The following TRIQK variants were observed in gnomAD, a reference collection of about 807,000 sequenced individuals.
TRIQK encodes the protein triple QxxK/R motif-containing protein.
Under a neutral mutation model 10.8 loss-of-function variants are expected in TRIQK, and 10 were observed. The observed-to-expected ratio is 0.92, with a 90% CI of 0.57 to 1.57. The LOEUF (loss-of-function observed/expected upper bound fraction) is 1.57. Among genes scored for constraint, TRIQK ranks in the 40% most tolerant of loss-of-function variants. TRIQK has a pLI of 0.00. For missense variants in TRIQK, 107 were observed against 97.7 expected (o/e 1.09, Z -0.40); for synonymous variants, 33 against 33.7 (o/e 0.98, Z 0.07).
intron 1 of TRIQK, among the ~76,000 whole-genome samples, chr8:92,991,155 A>C (rs1037310210): frequency 1.3e-5 from 2 of 152,126 alleles, no homozygotes; most frequent in Non-Finnish European, 2.9e-5. Context: ...AACTGGGCGG[A>C]GCCCACCGCA....
At chr8:92,905,916 A>T (rs1809231165) in intron 3 of TRIQK, among the ~76,000 whole-genome samples, 3 of 152,074 alleles carry the variant, frequency 2.0e-5, no homozygotes, top group Admixed American at 2.0e-4. Flanking sequence ...TTGTCATGAG[A>T]CTCAGGGATC....
intron 2 of TRIQK, among the ~76,000 whole-genome samples, chr8:92,917,841 C>T (rs1056061377): frequency 2.0e-5 from 3 of 151,874 alleles, no homozygotes; most frequent in Non-Finnish European, 4.4e-5. Context: ...TCTACTCTAA[C>T]TGTATTTTTG....
chr8:92,901,164 T>G (rs1031072702), intron 3 of TRIQK, among the ~76,000 whole-genome samples: 3 of 152,174 alleles, frequency 2.0e-5, no homozygotes, highest in African/African-American at 7.2e-5. Flanking sequence ...CTTTTGTTTT[T>G]TCCAAATATA....
At chr8:92,965,576 T>A (rs746591275) in intron 1 of TRIQK, 1 of 152,150 alleles carries the variant, frequency 6.6e-6, no homozygotes, top group Admixed American at 6.5e-5. Context: ...CGACCGCGAG[T>A]AATCGGTCAG....
At chr8:92,949,782 AAAAGAAAG>A (rs80051316) in intron 2 of TRIQK, among the ~76,000 whole-genome samples, 12,047 of 71,626 alleles carry the variant, frequency 0.17, 1,295 homozygotes, top group East Asian at 0.21. Context: ...GAAAGAAAGA[AAAAGAAAG>A]AAAGAAAGAA....
chr8:92,992,408 C>T (rs1813104823), intron 1 of TRIQK, among the ~76,000 whole-genome samples: 1 of 152,148 alleles, frequency 6.6e-6, no homozygotes, highest in South Asian at 2.1e-4. Context: ...CAGTCTACCA[C>T]TGGACAGTGC....
At chr8:92,903,268 A>T (rs1326206287) in intron 3 of TRIQK, among the ~76,000 whole-genome samples, 1 of 152,004 alleles carries the variant, frequency 6.6e-6, no homozygotes, top group Admixed American at 6.6e-5. Flanking sequence ...ATATCATTTG[A>T]CTTTGCTGTG....
In TRIQK at chr8:92,927,427, A is replaced by G. The variant is rs1404630408; in HGVS notation, c.-21-10417T>C. On this transcript the variant is annotated intron_variant, in intron 2 of 4. Coordinates refer to ENST00000521988, the MANE Select transcript of TRIQK (RefSeq NM_001171797.2). ...AGTTAAATAACCAAATTTGAAAGTAAAAAAAAAACAAATAACAAAATTTGG... is the reference window on the plus strand; with the variant it reads ...AGTTAAATAACCAAATTTGAAAGTAGAAAAAAAACAAATAACAAAATTTGG... 4.4e-4 allele frequency among the ~76,000 whole-genome samples: 6 copies of G among 13,570 alleles called. No individual in the cohort carries two copies. In the East Asian group the frequency reaches 7.6e-3, roughly 17 times the overall value. The allele number at this position is 13,570 out of a possible 152,430, so 8.9% of individuals were successfully genotyped here.
intron 2 of TRIQK, among the ~76,000 whole-genome samples, chr8:92,918,717 G>T (rs1259515068): frequency 6.6e-5 from 10 of 151,692 alleles, no homozygotes; most frequent in Non-Finnish European, 1.2e-4. Flanking sequence ...AAGCTCTCTA[G>T]CTTGATGTAA....
In TRIQK at chr8:92,965,678, T is replaced by G. The variant is rs1383137488; in HGVS notation, c.-181+329A>C. The G allele has an allele frequency of 2.6e-5, 4 of 152,534 alleles. No individual in the cohort carries two copies. In the South Asian group the frequency reaches 6.2e-4, roughly 24 times the overall value. The allele number at this position is 152,534 out of a possible 1,614,324, so 9.4% of individuals were successfully genotyped here. ...GCCCAGCGGCTGGCGCCAGACACGCTGGCAGGGCGGGAACCGCGCGTTCCT... is the reference window on the plus strand; with the variant it reads ...GCCCAGCGGCTGGCGCCAGACACGCGGGCAGGGCGGGAACCGCGCGTTCCT... On this transcript the variant is annotated intron_variant, in intron 1 of 4. Transcript: ENST00000521988.
chr8:92,894,787 C>G (rs73313294), intron 3 of TRIQK, among the ~76,000 whole-genome samples: 7,475 of 152,020 alleles, frequency 0.049, 449 homozygotes, highest in African/African-American at 0.14. Flanking sequence ...CAAACTAGAT[C>G]GTCCCTGAGG....
chr8:93,010,571 C>T (rs1005262228), intron 1 of TRIQK, among the ~76,000 whole-genome samples: 5 of 151,954 alleles, frequency 3.3e-5, no homozygotes, highest in African/African-American at 1.2e-4. Flanking sequence ...TATTTTACAT[C>T]TTTTAAAAAT....
chr8:92,951,568 G>A (rs1811909277), intron 2 of TRIQK, among the ~76,000 whole-genome samples: 1 of 152,030 alleles, frequency 6.6e-6, no homozygotes, highest in Admixed American at 6.6e-5. Context: ...AACTCTAGGG[G>A]AACCAAGACA....
Position 93,013,057 on chromosome 8 carries a change from C to G in TRIQK, c.-181+4552G>C, listed in dbSNP as rs1813351476. Among the ~76,000 whole-genome samples, 4 of 152,068 alleles carry G rather than the reference C, an allele frequency of 2.6e-5. No individual in the cohort carries two copies. In the South Asian group the frequency reaches 8.3e-4, roughly 31 times the overall value. On this transcript the variant is annotated intron_variant, in intron 1 of 4. Transcript: ENST00000520686. ...CCATGATGTCCTACACAACAGGAATCAAACAGGCTTTGCTAAATGTTTTCA... is the reference window on the plus strand; with the variant it reads ...CCATGATGTCCTACACAACAGGAATGAAACAGGCTTTGCTAAATGTTTTCA...
chr8:92,889,280 C>T (rs1200975463), intron 4 of TRIQK, among the ~76,000 whole-genome samples: 1 of 151,534 alleles, frequency 6.6e-6, no homozygotes, highest in Non-Finnish European at 1.5e-5. Flanking sequence ...TCAATCAGTA[C>T]TGTTGATTTG....
chr8:93,014,039 C>T (rs994953949), intron 1 of TRIQK, among the ~76,000 whole-genome samples: 17 of 152,058 alleles, frequency 1.1e-4, no homozygotes, highest in Admixed American at 5.9e-4. Context: ...CACGAGTAGT[C>T]TATGCCAAAA....
intron 3 of TRIQK, among the ~76,000 whole-genome samples, chr8:92,894,118 G>T (rs1313845583): frequency 6.6e-6 from 1 of 151,958 alleles, no homozygotes; most frequent in East Asian, 1.9e-4. Flanking sequence ...ATTAACATTT[G>T]AAACTGTATT....
intron 1 of TRIQK, chr8:92,973,395 C>T (rs1286425907): frequency 2.6e-5 from 4 of 152,142 alleles, no homozygotes; most frequent in Non-Finnish European, 4.4e-5. Context: ...CTTAGAGCAG[C>T]GTTAAATAGC....
intron 2 of TRIQK, among the ~76,000 whole-genome samples, chr8:92,950,794 C>G (rs1219572871): frequency 6.6e-6 from 1 of 152,036 alleles, no homozygotes; most frequent in Non-Finnish European, 1.5e-5. Context: ...TACATTCCAA[C>G]GAATATCTTC....
Sources: allele counts gnomAD v4.1 joint callset (sites outside exome capture counted in the v4.1 genomes callset), GRCh38; gene constraint gnomAD v4.1.1; transcripts MANE v1.5; gene names NCBI Gene and HGNC (gene_info 2026-07-23, HGNC 2026-07-21).